The following NRXN1 variants were observed in gnomAD, a reference collection of about 807,000 sequenced individuals.
NRXN1 encodes neurexin 1, also known as neurexin-1.
A neutral mutation model predicts 150.9 loss-of-function variants in NRXN1; 39 were observed. The ratio of observed to expected loss-of-function variants is 0.26; its 90% CI spans 0.20 to 0.34. The LOEUF (loss-of-function observed/expected upper bound fraction) is 0.34, where lower values mean the gene tolerates loss of function less well. Among genes scored for constraint, NRXN1 ranks in the 10% least tolerant of loss-of-function variants. The pLI is 1.00. For missense variants in NRXN1, 1,815 were observed against 1,949.9 expected (o/e 0.93, Z 1.30); for synonymous variants, 924 against 757.0 (o/e 1.22, Z -3.62).
At chr2:51,025,848 G>A (rs1053432392) in intron 2 of NRXN1, among the ~76,000 whole-genome samples, 1 of 152,148 alleles carries the variant, frequency 6.6e-6, no homozygotes, top group African/African-American at 2.4e-5. Context: ...AAGCTGAAGT[G>A]CTGTATAGGC....
At chr2:50,845,169 T>C (rs1022139710) in intron 5 of NRXN1, among the ~76,000 whole-genome samples, 1 of 152,054 alleles carries the variant, frequency 6.6e-6, no homozygotes, top group Non-Finnish European at 1.5e-5. Context: ...ATTTAAAAAA[T>C]TGCCTCTGAG....
chr2:50,081,519 TC>T (rs1276449481), intron 19 of NRXN1, among the ~76,000 whole-genome samples: 3 of 152,138 alleles, frequency 2.0e-5, no homozygotes, highest in Non-Finnish European at 4.4e-5. Flanking sequence ...GCCACTGCAC[TC>T]CAGCCCGGTG....
intron 5 of NRXN1, among the ~76,000 whole-genome samples, chr2:50,850,823 A>C (rs1674412175): frequency 6.6e-6 from 1 of 152,168 alleles, no homozygotes; most frequent in Non-Finnish European, 1.5e-5. Flanking sequence ...TATGCTCAAA[A>C]ACAACAGATT....
intron 5 of NRXN1, among the ~76,000 whole-genome samples, chr2:50,716,432 C>T (rs192741278): frequency 6.6e-6 from 1 of 152,058 alleles, no homozygotes; most frequent in Non-Finnish European, 1.5e-5. Flanking sequence ...AGAATAAACT[C>T]AAGCAACTGG....
chr2:49,992,170 C>T (rs1254809432), intron 21 of NRXN1, among the ~76,000 whole-genome samples: 4 of 152,038 alleles, frequency 2.6e-5, no homozygotes, highest in Non-Finnish European at 5.9e-5. Context: ...GGGTATGGCA[C>T]TGACTTTTTA....
At chr2:50,974,155 G>A (rs1357475383) in intron 2 of NRXN1, among the ~76,000 whole-genome samples, 1 of 152,080 alleles carries the variant, frequency 6.6e-6, no homozygotes, top group Non-Finnish European at 1.5e-5. Flanking sequence ...TATTCAAACT[G>A]CCATTTTTTC....
chr2:50,622,006 T>C (rs1559033203), intron 6 of NRXN1, among the ~76,000 whole-genome samples: 1 of 152,156 alleles, frequency 6.6e-6, no homozygotes, highest in Non-Finnish European at 1.5e-5. Context: ...CCTTCTGTGC[T>C]TCTCTCAAAT....
intron 17 of NRXN1, among the ~76,000 whole-genome samples, chr2:50,283,098 T>C (rs181154945): frequency 3.2e-4 from 49 of 152,272 alleles, no homozygotes; most frequent in African/African-American, 1.1e-3. Flanking sequence ...TCATTGTTGA[T>C]TGTCAAGCTC....
At chr2:50,468,089 G>T (rs2089094306) in intron 16 of NRXN1, among the ~76,000 whole-genome samples, 1 of 151,520 alleles carries the variant, frequency 6.6e-6, no homozygotes, top group African/African-American at 2.4e-5. Flanking sequence ...CCCAGTTTGG[G>T]GAGATGCCAT....
intron 2 of NRXN1, among the ~76,000 whole-genome samples, chr2:50,971,971 T>C (rs2104793992): frequency 6.6e-6 from 1 of 152,194 alleles, no homozygotes; most frequent in South Asian, 2.1e-4. Flanking sequence ...AGAATCTTAA[T>C]ATACATCACT....
chr2:50,212,116 G>C (rs1420673467), intron 18 of NRXN1, among the ~76,000 whole-genome samples: 2 of 151,154 alleles, frequency 1.3e-5, no homozygotes, highest in African/African-American at 4.9e-5. Context: ...TTAAAAGCAT[G>C]GGATTCACTG....
chr2:50,194,273 A>C (rs1464094589), intron 18 of NRXN1, among the ~76,000 whole-genome samples: 1 of 152,178 alleles, frequency 6.6e-6, no homozygotes, highest in Non-Finnish European at 1.5e-5. Context: ...TCAACAGTTT[A>C]GCTTGAGAGC....
chr2:50,069,712 C>A (rs1315441275), intron 19 of NRXN1, among the ~76,000 whole-genome samples: 1 of 152,116 alleles, frequency 6.6e-6, no homozygotes, highest in East Asian at 1.9e-4. Context: ...TTGTGCTATA[C>A]AGACACACCC....
rs1028065263 is a variant in NRXN1, at chr2:50,965,428, AG to A, written c.773-39474del. 4.3e-4 allele frequency among the ~76,000 whole-genome samples: 65 copies of A among 151,516 alleles called. 1 individual carries two copies. Among genetic ancestry groups the A allele is most frequent in the African/African-American group, 1.5e-3 (63 of 41,490 alleles). On this transcript the variant is annotated intron_variant, in intron 2 of 22. Coordinates refer to ENST00000401669, the MANE Select transcript of NRXN1 (RefSeq NM_001330078.2). The stretch of plus-strand genomic sequence containing the variant: ...TTCAAGCATGGAGGAAAAAAAAATT[AG>A]GGGGAACATTTTGCAAAATAACCGT...
At chr2:50,008,564 A>G (rs551698657) in intron 21 of NRXN1, among the ~76,000 whole-genome samples, 39 of 148,572 alleles carry the variant, frequency 2.6e-4, no homozygotes, top group Admixed American at 1.7e-3. Flanking sequence ...ATGGCATCTT[A>G]TGGTTCTTTT....
chr2:50,988,681 C>CGAGAT (rs1241818693), intron 2 of NRXN1, among the ~76,000 whole-genome samples: 1 of 151,852 alleles, frequency 6.6e-6, no homozygotes, highest in Non-Finnish European at 1.5e-5. Context: ...ATAAAACAAC[C>CGAGAT]GAGATAACTC....
At chr2:50,823,373 G>A (rs575752214) in intron 5 of NRXN1, among the ~76,000 whole-genome samples, 2 of 151,718 alleles carry the variant, frequency 1.3e-5, no homozygotes, top group East Asian at 3.9e-4. Context: ...TTTTTTTTCT[G>A]GAAAAAATAA....
intron 5 of NRXN1, chr2:50,829,572 T>C: frequency 6.2e-7 from 1 of 1,611,942 alleles, no homozygotes; most frequent in Non-Finnish European, 8.5e-7. Flanking sequence ...AAACTGAAGG[T>C]CCATGTAGCC....
chr2:50,723,462 G>C (rs1292014376), intron 5 of NRXN1, among the ~76,000 whole-genome samples: 1 of 152,188 alleles, frequency 6.6e-6, no homozygotes, highest in Non-Finnish European at 1.5e-5. Context: ...ACTGGGAAAA[G>C]AGGAAGAACA....
Sources: gnomAD v4.1 joint callset for allele counts (sites outside exome capture counted in the v4.1 genomes callset) on GRCh38, gnomAD v4.1.1 for gene constraint, MANE v1.5 for transcripts, NCBI Gene and HGNC (gene_info 2026-07-23, HGNC 2026-07-21) for gene names.